LDB2: variants seen among roughly 807,000 people sequenced by gnomAD.
LDB2 encodes LIM domain-binding protein 2.
In LDB2, 12 loss-of-function variants were observed where a neutral mutation model predicts 44.3. The ratio of observed to expected loss-of-function variants is 0.27; its 90% CI spans 0.17 to 0.44. The LOEUF (loss-of-function observed/expected upper bound fraction) is 0.44, where lower values mean the gene tolerates loss of function less well. Among genes scored for constraint, LDB2 ranks in the 20% least tolerant of loss-of-function variants. The pLI is 1.00. For missense variants in LDB2, 344 were observed against 473.5 expected (o/e 0.73, Z 2.54); for synonymous variants, 164 against 174.8 (o/e 0.94, Z 0.49).
intron 2 of LDB2, among the ~76,000 whole-genome samples, chr4:16,744,276 C>T (rs553122455): frequency 6.6e-6 from 1 of 151,744 alleles, no homozygotes; most frequent in Non-Finnish European, 1.5e-5. Flanking sequence ...CGTGCCTCAG[C>T]CTCCCGAGTA....
intron 1 of LDB2, among the ~76,000 whole-genome samples, chr4:16,795,209 T>C (rs1045986226): frequency 6.6e-6 from 1 of 152,138 alleles, no homozygotes; most frequent in African/African-American, 2.4e-5. Flanking sequence ...ACCTGGACCT[T>C]GCTGTGAAGA....
intron 1 of LDB2, among the ~76,000 whole-genome samples, chr4:16,884,178 G>A (rs1324129742): frequency 5.9e-5 from 9 of 152,064 alleles, no homozygotes; most frequent in South Asian, 2.1e-4. Flanking sequence ...TAGCTCCCTC[G>A]GCCCAATAGT....
intron 3 of LDB2, among the ~76,000 whole-genome samples, chr4:16,590,675 G>C (rs1280320026): frequency 6.6e-6 from 1 of 152,204 alleles, no homozygotes; most frequent in Non-Finnish European, 1.5e-5. Context: ...AAAGATTTCA[G>C]AAACACTGTG....
chr4:16,542,008 T>G (rs981369010), intron 5 of LDB2, among the ~76,000 whole-genome samples: 1 of 147,650 alleles, frequency 6.8e-6, no homozygotes, highest in East Asian at 2.0e-4. Context: ...CAAGAACTTC[T>G]GGCAGTCTCC....
intron 2 of LDB2, among the ~76,000 whole-genome samples, chr4:16,610,921 G>A (rs911452216): frequency 8.6e-5 from 13 of 152,028 alleles, no homozygotes; most frequent in Admixed American, 5.2e-4. Context: ...CATCAGATTC[G>A]CCAAGGTTGA....
At chr4:16,687,843 T>C (rs1462034441) in intron 2 of LDB2, among the ~76,000 whole-genome samples, 1 of 152,188 alleles carries the variant, frequency 6.6e-6, no homozygotes, top group Admixed American at 6.5e-5. Flanking sequence ...TAGCACGTTT[T>C]GGAACTGAAA....
chr4:16,638,020 T>C (rs1175984788), intron 2 of LDB2, among the ~76,000 whole-genome samples: 4 of 152,288 alleles, frequency 2.6e-5, no homozygotes, highest in African/African-American at 4.8e-5. Context: ...CGATATTAAC[T>C]GCACTCACCT....
intron 5 of LDB2, among the ~76,000 whole-genome samples, chr4:16,561,044 C>T (rs1307433740): frequency 6.6e-6 from 1 of 152,058 alleles, no homozygotes; most frequent in Non-Finnish European, 1.5e-5. Flanking sequence ...CTCTCAATAA[C>T]TTAGGTATTG....
At chr4:16,625,368 G>A (rs892204835) in intron 2 of LDB2, among the ~76,000 whole-genome samples, 4 of 152,136 alleles carry the variant, frequency 2.6e-5, no homozygotes, top group Non-Finnish European at 5.9e-5. Flanking sequence ...CAGAGCTTCT[G>A]CTATTCCTTC....
intron 2 of LDB2, among the ~76,000 whole-genome samples, chr4:16,606,045 C>T (rs983764565): frequency 2.0e-5 from 3 of 152,232 alleles, no homozygotes; most frequent in Non-Finnish European, 4.4e-5. Context: ...CCACCAATCT[C>T]AGTGCCTTCA....
intron 4 of LDB2, among the ~76,000 whole-genome samples, chr4:16,587,941 G>C (rs964539578): frequency 3.9e-5 from 6 of 152,126 alleles, no homozygotes; most frequent in Admixed American, 1.3e-4. Context: ...GGTAGTTACT[G>C]TTATGCTATT....
intron 2 of LDB2, among the ~76,000 whole-genome samples, chr4:16,686,862 C>G (rs1159324560): frequency 6.6e-6 from 1 of 152,178 alleles, no homozygotes; most frequent in Non-Finnish European, 1.5e-5. Flanking sequence ...GCTCTTGCTA[C>G]AAATCATAAT....
chr4:16,867,913 T>G (rs745747569), intron 1 of LDB2, among the ~76,000 whole-genome samples: 1 of 152,176 alleles, frequency 6.6e-6, no homozygotes, highest in Non-Finnish European at 1.5e-5. Flanking sequence ...ACCTGACCAC[T>G]TCAAAAACAA....
At chr4:16,649,993 TGCTCCCAAGGGCG>T (rs1216754967) in intron 2 of LDB2, among the ~76,000 whole-genome samples, 2 of 152,226 alleles carry the variant, frequency 1.3e-5, no homozygotes, top group East Asian at 3.8e-4. Flanking sequence ...CTCCCAATTC[TGCTCCCAAGGGCG>T]GCTCCTGGAT....
chr4:16,588,577 A>G (rs1717823143), intron 4 of LDB2, 133 bp downstream of exon 4: 6 of 888,598 alleles, frequency 6.8e-6, no homozygotes, highest in Non-Finnish European at 1.0e-5. Context: ...AAAACTCAAT[A>G]TTTAGAGTTA....
chr4:16,542,390 A>G (rs1734152470), intron 5 of LDB2, among the ~76,000 whole-genome samples: 1 of 152,222 alleles, frequency 6.6e-6, no homozygotes, highest in South Asian at 2.1e-4. Context: ...AGAAATGAGG[A>G]TAGCAGGTTT....
intron 1 of LDB2, among the ~76,000 whole-genome samples, chr4:16,804,162 G>T (rs1778355990): frequency 6.6e-6 from 1 of 152,152 alleles, no homozygotes; most frequent in South Asian, 2.1e-4. Context: ...CTATGTCCCA[G>T]GCTGGAGTGC....
At chr4:16,704,428 G>A (rs157627) in intron 2 of LDB2, among the ~76,000 whole-genome samples, 3 of 152,036 alleles carry the variant, frequency 2.0e-5, no homozygotes, top group African/African-American at 4.8e-5. Context: ...TTTTTTGATG[G>A]TATGGGGAGT....
intron 2 of LDB2, among the ~76,000 whole-genome samples, chr4:16,685,683 A>T (rs1560876494): frequency 6.6e-6 from 1 of 152,190 alleles, no homozygotes; most frequent in Non-Finnish European, 1.5e-5. Context: ...CTTCACTATT[A>T]TCCTAACATC....
Sources: allele counts gnomAD v4.1 joint callset (sites outside exome capture counted in the v4.1 genomes callset), GRCh38; gene constraint gnomAD v4.1.1; transcripts MANE v1.5; gene names NCBI Gene and HGNC (gene_info 2026-07-23, HGNC 2026-07-21).